Variants in ZEB2 observed in about 807,000 individuals in gnomAD.
ZEB2 encodes the protein zinc finger E-box-binding homeobox 2.
Under a neutral mutation model 99.9 loss-of-function variants are expected in ZEB2, and 6 were observed. The ratio of observed to expected loss-of-function variants is 0.06; its 90% CI spans 0.03 to 0.12. The LOEUF (loss-of-function observed/expected upper bound fraction) is 0.12, where lower values mean the gene tolerates loss of function less well. Among genes scored for constraint, ZEB2 ranks in the 10% least tolerant of loss-of-function variants. The probability of loss-of-function intolerance (pLI) is 1.00; values close to 1 mark genes in which losing one functional copy is unlikely to be tolerated. For synonymous variants in ZEB2, 517 were observed against 542.5 expected (o/e 0.95, Z 0.65); for missense variants, 969 against 1,502.8 (o/e 0.64, Z 5.87).
intron 4 of ZEB2, among the ~76,000 whole-genome samples, chr2:144,419,909 TAAAAA>T (rs552680556): frequency 6.7e-6 from 1 of 150,230 alleles, no homozygotes; most frequent in African/African-American, 2.4e-5. Flanking sequence ...ACTTTGTTGT[TAAAAA>T]AAAAATGTAG....
At chr2:144,491,091 C>G (rs1704672857) in intron 2 of ZEB2, among the ~76,000 whole-genome samples, 1 of 152,244 alleles carries the variant, frequency 6.6e-6, no homozygotes. Context: ...TATGGTCTAT[C>G]ATGCCAGTGA....
chr2:144,387,685 G>A lies in ZEB2; in HGVS notation c.*1766C>T, dbSNP rs1182503947. ...TTTGAATAAATCACAAAGACCCCTT[G>A]GACAGAGAAGTGAATTTTTAACACA... is the stretch of plus-strand genomic sequence containing the variant. On this transcript the variant is annotated 3_prime_UTR_variant, in exon 10 of 10. Coordinates refer to ENST00000627532, the MANE Select transcript of ZEB2 (RefSeq NM_014795.4). 1 of 151,940 alleles carries A rather than the reference G, an allele frequency of 6.6e-6. No individual in the cohort carries two copies. Among genetic ancestry groups the A allele is most frequent in the Admixed American group, 6.6e-5 (1 of 15,256 alleles). The allele number at this position is 151,940 out of a possible 1,614,324, so 9.4% of individuals were successfully genotyped here.
intron 2 of ZEB2, among the ~76,000 whole-genome samples, chr2:144,438,984 AAAGG>A (rs1306103782): frequency 6.6e-6 from 1 of 152,150 alleles, no homozygotes; most frequent in East Asian, 1.9e-4. Flanking sequence ...ACAGAGTACA[AAAGG>A]AAGGGAGTCA....
intron 9 of ZEB2, among the ~76,000 whole-genome samples, chr2:144,395,574 A>G (rs904429874): frequency 1.3e-5 from 2 of 152,086 alleles, no homozygotes; most frequent in African/African-American, 4.8e-5. Flanking sequence ...GAGATGGGCT[A>G]GGGGTAGGGA....
rs4008310 is a variant in ZEB2, at chr2:144,411,057, CTATATATATATATATATATATATATA to C, written c.404-6059_404-6034del. ...GTGATTCTGCAATATACAGACATGTCTATATATATATATATATATATATATATATATATATATATATATGTATAATA... is the reference window on the plus strand; with the variant it reads ...GTGATTCTGCAATATACAGACATGTCTATATATATATATATATGTATAATA... On this transcript the variant is annotated intron_variant, in intron 4 of 9. Coordinates refer to ENST00000627532, the MANE Select transcript of ZEB2 (RefSeq NM_014795.4). Among the ~76,000 whole-genome samples the C allele has an allele frequency of 8.6e-4, 35 of 40,780 alleles. 2 individuals carry two copies. Among genetic ancestry groups the C allele is most frequent in the Middle Eastern group, 0.023 (1 of 44 alleles). The allele number at this position is 40,780 out of a possible 152,430, so 26.8% of individuals were successfully genotyped here.
At chr2:144,478,602 C>T (rs747136099) in intron 2 of ZEB2, among the ~76,000 whole-genome samples, 9 of 152,182 alleles carry the variant, frequency 5.9e-5, no homozygotes, top group Non-Finnish European at 1.3e-4. Context: ...TTAGGAAACA[C>T]AATGAAAACA....
At chr2:144,430,479 A>C (rs1420820858) in intron 2 of ZEB2, 1 of 209,464 alleles carries the variant, frequency 4.8e-6, no homozygotes, top group African/African-American at 2.4e-5. Context: ...CCCTAGAAAC[A>C]GTAGACACAC....
At chr2:144,408,005 A>G (rs1271922056) in intron 4 of ZEB2, among the ~76,000 whole-genome samples, 1 of 152,126 alleles carries the variant, frequency 6.6e-6, no homozygotes, top group Non-Finnish European at 1.5e-5. Context: ...AAAAGGGAGG[A>G]AAATTCTGAT....
At chr2:144,393,377 T>C (rs2149874211) in intron 9 of ZEB2, among the ~76,000 whole-genome samples, 1 of 152,302 alleles carries the variant, frequency 6.6e-6, no homozygotes, top group Admixed American at 6.5e-5. Flanking sequence ...GTTAAACGAT[T>C]CTATATGTAA....
At chr2:144,481,772 T>C (rs1704516310) in intron 2 of ZEB2, among the ~76,000 whole-genome samples, 1 of 152,238 alleles carries the variant, frequency 6.6e-6, no homozygotes, top group Non-Finnish European at 1.5e-5. Flanking sequence ...TTATATGCAT[T>C]ATGAATTTGT....
At chr2:144,477,527 A>G (rs1191558300) in intron 2 of ZEB2, among the ~76,000 whole-genome samples, 1 of 152,256 alleles carries the variant, frequency 6.6e-6, no homozygotes, top group Non-Finnish European at 1.5e-5. Flanking sequence ...AAGCTTGGGT[A>G]CTTTGTAACA....
At chr2:144,443,718 T>G (rs575820150) in intron 2 of ZEB2, among the ~76,000 whole-genome samples, 3 of 152,214 alleles carry the variant, frequency 2.0e-5, no homozygotes, top group Non-Finnish European at 2.9e-5. Context: ...ACCACAGTAT[T>G]TGTTCTCACA....
intron 2 of ZEB2, chr2:144,513,779 C>T: frequency 6.5e-7 from 1 of 1,536,110 alleles, no homozygotes; most frequent in Non-Finnish European, 8.7e-7. Flanking sequence ...GCTCCGAGTG[C>T]TCATTTCTGA....
At chr2:144,467,840 C>G (rs1420345494) in intron 2 of ZEB2, among the ~76,000 whole-genome samples, 1 of 152,094 alleles carries the variant, frequency 6.6e-6, no homozygotes, top group Non-Finnish European at 1.5e-5. Flanking sequence ...TCAGTCTTGC[C>G]CCCTTTCCTA....
chr2:144,402,125 G>A (rs1703320188), intron 6 of ZEB2, among the ~76,000 whole-genome samples: 1 of 152,088 alleles, frequency 6.6e-6, no homozygotes, highest in Non-Finnish European at 1.5e-5. Flanking sequence ...GAAAAGACAA[G>A]TTAAAAGCAG....
At chr2:144,466,706 A>G (rs959200499) in intron 2 of ZEB2, among the ~76,000 whole-genome samples, 4 of 152,212 alleles carry the variant, frequency 2.6e-5, no homozygotes, top group African/African-American at 7.2e-5. Context: ...ATAAAACCTC[A>G]AACGGAGTAA....
chr2:144,417,437 A>G (rs1400581049), intron 4 of ZEB2, among the ~76,000 whole-genome samples: 2 of 152,178 alleles, frequency 1.3e-5, no homozygotes, highest in African/African-American at 2.4e-5. Context: ...AAAAATATAT[A>G]TGATTTTTCT....
Position 144,501,047 on chromosome 2 carries a change from C to T in ZEB2, c.73+16231G>A, listed in dbSNP as rs1028351744. On this transcript the variant is annotated intron_variant, in intron 2 of 9. Transcript: ENST00000627532. ...AGATCGTATTTATATGAAGCAGAGC[C>T]TGTTCCTCACTCAGCTAGAAATTGG... Among the ~76,000 whole-genome samples the T allele has an allele frequency of 4.7e-5, 7 of 148,898 alleles. No homozygotes were observed. In the South Asian group the frequency reaches 1.3e-3, roughly 27 times the overall value.
At chr2:144,510,031 C>T (rs1705008142) in intron 2 of ZEB2, among the ~76,000 whole-genome samples, 1 of 151,864 alleles carries the variant, frequency 6.6e-6, no homozygotes, top group Non-Finnish European at 1.5e-5. Flanking sequence ...GTTAAACATA[C>T]TAAAAAAATC....
Sources: allele counts gnomAD v4.1 joint callset (sites outside exome capture counted in the v4.1 genomes callset), GRCh38; gene constraint gnomAD v4.1.1; transcripts MANE v1.5; gene names NCBI Gene and HGNC (gene_info 2026-07-23, HGNC 2026-07-21).